Variants in TMEM120A observed in about 807,000 individuals in gnomAD.
TMEM120A encodes the protein ion channel TACAN.
TMEM120A carries 45 observed loss-of-function variants against 54.3 expected under a neutral mutation model. The ratio of observed to expected loss-of-function variants is 0.83; its 90% CI spans 0.65 to 1.06. The LOEUF is 1.06. Ranked by LOEUF, TMEM120A falls within the 50% of genes least tolerant of loss-of-function variation. The pLI is 0.00. For synonymous variants in TMEM120A, 204 were observed against 178.5 expected, an observed-to-expected ratio of 1.14 and a Z score of -1.14; for missense variants, 424 against 441.7, an observed-to-expected ratio of 0.96 and a Z score of 0.36.
rs1554562719 is a variant in TMEM120A, at chr7:75,994,476, G to A, written c.81+14C>T. ...GCGGCTCGGGGGCGACCCGGCGTCC[G>A]CAGCGGCGCTAACCTGGATGTTCTG... is the stretch of plus-strand genomic sequence containing the variant. On this transcript the variant is annotated intron_variant, in intron 1 of 11. Transcript: ENST00000493111. 11 of 1,554,674 alleles carry A rather than the reference G, an allele frequency of 7.1e-6. No individual in the cohort carries two copies. The East Asian group carries it at 2.0e-4, about 28-fold the overall frequency.
chr7:75,993,821 C>T (rs571908428), intron 1 of TMEM120A, among the ~76,000 whole-genome samples: 1 of 152,332 alleles, frequency 6.6e-6, no homozygotes, highest in East Asian at 1.9e-4. Flanking sequence ...CCTCCCTGGC[C>T]TCTGGACAGA....
chr7:75,988,348 A>G lies in TMEM120A; in HGVS notation c.474-7T>C. The G allele has an allele frequency of 7.2e-7, 1 of 1,389,414 alleles. No homozygotes were observed. The highest frequency in any genetic ancestry group is 9.6e-7 in the Non-Finnish European group (1 of 1,039,514). 86.1% of individuals were successfully genotyped at this position (1,389,414 alleles called of 1,614,324 possible). A position where few individuals can be genotyped will look rare whatever the true frequency, so the allele number is the denominator to read the frequency against. ...GAAGGCAGCATCTGTCACCCTGCGG[A>G]GGGAGGGGACCGAGGGTTGGTACTG... On this transcript the variant is annotated splice_polypyrimidine_tract_variant and splice_region_variant and intron_variant, in intron 5 of 11. Transcript: ENST00000493111.
At chr7:75,991,057 GA>G in intron 3 of TMEM120A, among the ~76,000 whole-genome samples, 1 of 152,148 alleles carries the variant, frequency 6.6e-6, no homozygotes, top group East Asian at 1.9e-4. Flanking sequence ...TCACAGGACT[GA>G]CCCCAGGCTA....
chr7:75,987,081 C>T lies in TMEM120A; in HGVS notation c.*91G>A. ...CCCAAGGGAGAATAGAAGAGACCCC[C>T]TGATACACGCACACTCGAGGGGCGC... On this transcript the variant is annotated 3_prime_UTR_variant, in exon 12 of 12. Coordinates refer to ENST00000493111, the MANE Select transcript of TMEM120A (RefSeq NM_031925.3). The T allele has an allele frequency of 9.1e-7, 1 of 1,092,982 alleles. No homozygotes were observed. Among genetic ancestry groups the T allele is most frequent in the African/African-American group, 1.6e-5 (1 of 63,738 alleles). 67.7% of individuals were successfully genotyped at this position (1,092,982 alleles called of 1,614,324 possible). A position where few individuals can be genotyped will look rare whatever the true frequency, so the allele number is the denominator to read the frequency against.
At chr7:75,994,319 G>T (rs782049982) in intron 1 of TMEM120A, among the ~76,000 whole-genome samples, 171 bp downstream of exon 1, 3 of 152,160 alleles carry the variant, frequency 2.0e-5, no homozygotes, top group Non-Finnish European at 4.4e-5. Context: ...GACACTGGAG[G>T]TGGTGGCAGT....
At chr7:75,990,196 A>G (rs1554561551) in intron 3 of TMEM120A, among the ~76,000 whole-genome samples, 2 of 152,018 alleles carry the variant, frequency 1.3e-5, no homozygotes, top group African/African-American at 4.8e-5. Context: ...TCTGGTTCCC[A>G]GCACTCGCCT....
chr7:75,991,387 G>A (rs1554561760), intron 3 of TMEM120A, among the ~76,000 whole-genome samples: 1 of 151,934 alleles, frequency 6.6e-6, no homozygotes, highest in South Asian at 2.1e-4. Context: ...CCATGTGTCT[G>A]CCTCATTTTT....
In TMEM120A at chr7:75,987,522, C is replaced by G. The variant is rs202215244; in HGVS notation, c.849+16G>C. The G allele has an allele frequency of 1.2e-5, 19 of 1,581,888 alleles. No individual in the cohort carries two copies. The highest frequency in any genetic ancestry group is 6.8e-5 in the African/African-American group (5 of 73,982). The stretch of plus-strand genomic sequence containing the variant: ...ACGGACAGACAGACAGGCAGGGACA[C>G]AGAGGCACGACTTACGTGTCCAAAG... On this transcript the variant is annotated intron_variant, in intron 10 of 11. Coordinates refer to ENST00000493111, the MANE Select transcript of TMEM120A (RefSeq NM_031925.3).
At chr7:75,992,085 AGCACCCG>A in intron 3 of TMEM120A, 52 bp downstream of exon 3, 1 of 1,247,152 alleles carries the variant, frequency 8.0e-7, no homozygotes, top group South Asian at 1.4e-5. Flanking sequence ...AAGAGGAGGC[AGCACCCG>A]GCTTCAGGAG....
At chr7:75,989,249 G>A in intron 3 of TMEM120A, 25 bp from the exon 4 acceptor site, 1 of 1,515,790 alleles carries the variant, frequency 6.6e-7, no homozygotes, top group Non-Finnish European at 9.0e-7. Context: ...GGCGGGGTGA[G>A]GAGAAGCCCG....
intron 11 of TMEM120A, 28 bp downstream of exon 11, chr7:75,987,332 T>C (rs1789558118): frequency 6.4e-7 from 1 of 1,563,714 alleles, no homozygotes; most frequent in Admixed American, 1.9e-5. Context: ...TGGCCCCCCA[T>C]CCATCCTGTC....
chr7:75,993,169 C>T (rs1021437598), intron 1 of TMEM120A, among the ~76,000 whole-genome samples: 1 of 152,184 alleles, frequency 6.6e-6, no homozygotes, highest in Non-Finnish European at 1.5e-5. Flanking sequence ...CTTTCTCCTA[C>T]CTTGAGTCTG....
intron 3 of TMEM120A, among the ~76,000 whole-genome samples, chr7:75,990,651 C>T (rs913820776): frequency 2.0e-5 from 3 of 151,884 alleles, no homozygotes; most frequent in Non-Finnish European, 2.9e-5. Flanking sequence ...TTTGGGAGGC[C>T]GAGGCGGGTG....
intron 3 of TMEM120A, among the ~76,000 whole-genome samples, chr7:75,991,535 A>G (rs1242877257): frequency 6.6e-6 from 1 of 152,016 alleles, no homozygotes; most frequent in Non-Finnish European, 1.5e-5. Flanking sequence ...CCTCCCAAGT[A>G]GCTGGGATTA....
In TMEM120A at chr7:75,992,688, T is replaced by G. The variant is rs1433987318; in HGVS notation, c.82-131A>C. On this transcript the variant is annotated intron_variant, in intron 1 of 11. Coordinates refer to ENST00000493111, the MANE Select transcript of TMEM120A (RefSeq NM_031925.3). ...CGCTCAGCGGGAAAGGAGGTAGAAC[T>G]GTGCCTGCCCAGGGATGAGGTGGCT... 6.1e-6 allele frequency: 4 copies of G among 658,692 alleles called. No individual in the cohort carries two copies. In the Admixed American group the frequency reaches 1.1e-4, roughly 19 times the overall value. The allele number at this position is 658,692 out of a possible 1,614,324, so 40.8% of individuals were successfully genotyped here. A position where few individuals can be genotyped will look rare whatever the true frequency, so the allele number is the denominator to read the frequency against.
Position 75,988,235 on chromosome 7 carries a change from G to A in TMEM120A, c.563+17C>T. ...CCCCATTCCATGCTCCCCTCCCTCA[G>A]GGCCCGCCCTGCCCACCGGGAGCCG... On this transcript the variant is annotated intron_variant, in intron 6 of 11. Coordinates refer to ENST00000493111, the MANE Select transcript of TMEM120A (RefSeq NM_031925.3). The A allele has an allele frequency of 3.1e-6, 5 of 1,611,852 alleles. No individual in the cohort carries two copies. Among genetic ancestry groups the A allele is most frequent in the Non-Finnish European group, 4.2e-6 (5 of 1,179,728 alleles).
chr7:75,989,335 G>C (rs543400870), intron 3 of TMEM120A, 111 bp from the exon 4 acceptor site: 1 of 731,746 alleles, frequency 1.4e-6, no homozygotes, highest in East Asian at 2.8e-5. Context: ...CCCCTCACCC[G>C]CTGCTTTCCG....
rs374952374 is a variant in TMEM120A, at chr7:75,988,568, T to A, written c.378-52A>T. ...GTGGGGTGCTGGTGGGGCCCATGTG[T>A]GCCCCCACCCCGGGAGGGCAGCTGA... On this transcript the variant is annotated intron_variant, in intron 4 of 11. Coordinates refer to ENST00000493111, the MANE Select transcript of TMEM120A (RefSeq NM_031925.3). The A allele has an allele frequency of 2.4e-6, 3 of 1,227,766 alleles. No homozygotes were observed. In the East Asian group the frequency reaches 8.8e-5, roughly 36 times the overall value. 76.1% of individuals were successfully genotyped at this position (1,227,766 alleles called of 1,614,324 possible).
chr7:75,987,299 AG>A lies in TMEM120A; in HGVS notation c.919-15del. 1 of 1,585,962 alleles carries A rather than the reference AG, an allele frequency of 6.3e-7. No individual in the cohort carries two copies. Among genetic ancestry groups the A allele is most frequent in the Non-Finnish European group, 8.6e-7 (1 of 1,167,208 alleles). On this transcript the variant is annotated splice_polypyrimidine_tract_variant and intron_variant, in intron 11 of 11. Transcript: ENST00000493111. ...GCACATAAGCACCTGCCGGAGGAAT[AG>A]GGTGAGGGCTGGACATGGGCCTGGC...
Sources: gnomAD v4.1 joint callset for allele counts (sites outside exome capture counted in the v4.1 genomes callset) on GRCh38, gnomAD v4.1.1 for gene constraint, MANE v1.5 for transcripts, NCBI Gene and HGNC (gene_info 2026-07-23, HGNC 2026-07-21) for gene names.